The following SEL1L variants were observed in gnomAD, a reference collection of about 807,000 sequenced individuals.
SEL1L encodes the protein SEL1L adaptor subunit of SYVN1 ubiquitin ligase.
SEL1L carries 52 observed loss-of-function variants against 109.8 expected under a neutral mutation model. The observed-to-expected ratio is 0.47, with a 90% CI of 0.38 to 0.60. The LOEUF (loss-of-function observed/expected upper bound fraction) is 0.60. SEL1L is among the 20% of genes least tolerant of loss of function. The pLI, the probability that SEL1L is intolerant of heterozygous loss-of-function variation, is 0.00. For synonymous variants in SEL1L, 373 were observed against 339.6 expected, an observed-to-expected ratio of 1.10 and a Z score of -1.08; for missense variants, 749 against 962.2, an observed-to-expected ratio of 0.78 and a Z score of 2.93.
intron 6 of SEL1L, among the ~76,000 whole-genome samples, chr14:81,501,634 T>C (rs1334131639): frequency 6.6e-6 from 1 of 152,182 alleles, no homozygotes; most frequent in African/African-American, 2.4e-5. Context: ...CCCTTGTGAT[T>C]AGATATTTCA....
At chr14:81,502,980 A>C in intron 5 of SEL1L, 97 bp from the exon 6 acceptor site, 1 of 976,230 alleles carries the variant, frequency 1.0e-6, no homozygotes, top group Non-Finnish European at 1.5e-6. Flanking sequence ...TAATTTCCTT[A>C]TGTTACAAAA....
chr14:81,497,850 A>G (rs896395271), intron 10 of SEL1L, 42 bp downstream of exon 10: 2 of 1,578,312 alleles, frequency 1.3e-6, no homozygotes, highest in Non-Finnish European at 1.7e-6. Flanking sequence ...ATTAAAATAT[A>G]CAATGCAGTA....
In SEL1L at chr14:81,527,719, ATCCTGGCTGCCTTCT is replaced by A. The variant is rs748382282; in HGVS notation, c.75_89del (p.Glu25_Gln29del). On this transcript the variant is annotated inframe_deletion, in exon 2 of 21. Coordinates refer to ENST00000336735, the MANE Select transcript of SEL1L (RefSeq NM_005065.6). ...TACATACCTTGGAATCTAAGGATTC[ATCCTGGCTGCCTTCT>A]TCATCTGCAAAGAAATTTTAAGACA... is the stretch of plus-strand genomic sequence containing the variant. 3.7e-6 allele frequency: 6 copies of A among 1,604,024 alleles called. No individual in the cohort carries two copies. The highest frequency in any genetic ancestry group is 5.1e-6 in the Non-Finnish European group (6 of 1,175,376).
intron 6 of SEL1L, 127 bp from the exon 7 acceptor site, chr14:81,499,789 T>C (rs917520908): frequency 3.2e-6 from 2 of 618,988 alleles, no homozygotes; most frequent in Non-Finnish European, 5.3e-6. Flanking sequence ...AGATTTGAAT[T>C]CAAGTATGTA....
At chr14:81,489,384 G>C in intron 13 of SEL1L, 70 bp from the exon 14 acceptor site, 1 of 1,225,772 alleles carries the variant, frequency 8.2e-7, no homozygotes, top group Non-Finnish European at 1.2e-6. Context: ...ATAAATAACT[G>C]CAAAATAAAT....
At position 81,506,461 on chromosome 14, in the gene SEL1L, G is replaced by C. The variant is rs866347727; in HGVS notation, c.341-220C>G. 2.6e-5 allele frequency among the ~76,000 whole-genome samples: 4 copies of C among 152,232 alleles called. No homozygotes were observed. In the South Asian group the frequency reaches 8.3e-4, roughly 32 times the overall value. The stretch of plus-strand genomic sequence containing the variant: ...GCTGACTACATAGCATCTGTGTCTA[G>C]GTTAGACTTTCTGAAGTTCCTGATA... On this transcript the variant is annotated intron_variant, in intron 3 of 20. Coordinates refer to ENST00000336735, the MANE Select transcript of SEL1L (RefSeq NM_005065.6).
chr14:81,507,427 A>G (rs1221749070), intron 3 of SEL1L, among the ~76,000 whole-genome samples: 2 of 152,106 alleles, frequency 1.3e-5, no homozygotes, highest in Admixed American at 1.3e-4. Context: ...AGATGTGTGG[A>G]TAAGAGGAAA....
At chr14:81,505,059 G>A (rs554218523) in intron 4 of SEL1L, among the ~76,000 whole-genome samples, 1 of 152,216 alleles carries the variant, frequency 6.6e-6, no homozygotes, top group South Asian at 2.1e-4. Context: ...AACACAATAT[G>A]CCAAGGTCAG....
intron 19 of SEL1L, among the ~76,000 whole-genome samples, chr14:81,483,119 T>C (rs1903411426): frequency 6.6e-6 from 1 of 152,212 alleles, no homozygotes; most frequent in Admixed American, 6.5e-5. Context: ...ACTCTTAAGG[T>C]AGTTTGAAGA....
intron 3 of SEL1L, among the ~76,000 whole-genome samples, chr14:81,519,539 C>T (rs2140049491): frequency 6.6e-6 from 1 of 152,282 alleles, no homozygotes; most frequent in Middle Eastern, 3.4e-3. Flanking sequence ...ACAGGAAGGG[C>T]CTGATGTCAG....
chr14:81,508,982 A>G (rs1371775319), intron 3 of SEL1L, among the ~76,000 whole-genome samples: 2 of 152,242 alleles, frequency 1.3e-5, no homozygotes, highest in Non-Finnish European at 2.9e-5. Context: ...CAGCACTGAC[A>G]TAAGGAGGAA....
At chr14:81,510,385 T>C (rs1430122567) in intron 3 of SEL1L, among the ~76,000 whole-genome samples, 2 of 152,038 alleles carry the variant, frequency 1.3e-5, no homozygotes, top group Non-Finnish European at 2.9e-5. Flanking sequence ...ACAAGATTTT[T>C]GTTTTTAACA....
At chr14:81,532,413 G>A (rs1885363700) in intron 1 of SEL1L, among the ~76,000 whole-genome samples, 1 of 152,168 alleles carries the variant, frequency 6.6e-6, no homozygotes, top group Admixed American at 6.5e-5. Context: ...TTCATTTCAT[G>A]CTTTTTGATC....
intron 19 of SEL1L, among the ~76,000 whole-genome samples, chr14:81,481,024 C>G (rs540483481): frequency 6.6e-6 from 1 of 152,180 alleles, no homozygotes; most frequent in Admixed American, 6.5e-5. Flanking sequence ...GGGCTACCAC[C>G]GGAAGAGATA....
chr14:81,531,804 A>G (rs1885335688), intron 1 of SEL1L, among the ~76,000 whole-genome samples: 1 of 152,104 alleles, frequency 6.6e-6, no homozygotes, highest in Non-Finnish European at 1.5e-5. Flanking sequence ...CAGCCTCCCA[A>G]AGTGCTGGGA....
chr14:81,530,801 C>T (rs1405033872), intron 1 of SEL1L, among the ~76,000 whole-genome samples: 1 of 152,116 alleles, frequency 6.6e-6, no homozygotes, highest in Non-Finnish European at 1.5e-5. Flanking sequence ...TATACTTAAA[C>T]CTAAATGGGA....
chr14:81,514,049 C>G (rs1884598037), intron 3 of SEL1L, among the ~76,000 whole-genome samples: 1 of 152,224 alleles, frequency 6.6e-6, no homozygotes, highest in African/African-American at 2.4e-5. Flanking sequence ...TAAAACAACT[C>G]CCTGTCTCTG....
At chr14:81,489,596 G>A (rs191995668) in intron 13 of SEL1L, among the ~76,000 whole-genome samples, 1 of 152,244 alleles carries the variant, frequency 6.6e-6, no homozygotes, top group East Asian at 1.9e-4. Context: ...ATGAATTTAT[G>A]ACATAAAGCA....
At chr14:81,511,411 C>T (rs1235644092) in intron 3 of SEL1L, among the ~76,000 whole-genome samples, 4 of 152,284 alleles carry the variant, frequency 2.6e-5, no homozygotes, top group Non-Finnish European at 5.9e-5. Flanking sequence ...CAGAGTAAAA[C>T]TTGCTCAGGA....
Sources: gnomAD v4.1 joint callset for allele counts (sites outside exome capture counted in the v4.1 genomes callset) on GRCh38, gnomAD v4.1.1 for gene constraint, MANE v1.5 for transcripts, NCBI Gene and HGNC (gene_info 2026-07-23, HGNC 2026-07-21) for gene names.